Variants in PTPRK observed in about 807,000 individuals in gnomAD.
The protein encoded by PTPRK is receptor-type tyrosine-protein phosphatase kappa.
PTPRK carries 75 observed loss-of-function variants against 178.0 expected under a neutral mutation model. The observed-to-expected ratio is 0.42, with a 90% CI of 0.35 to 0.51. The LOEUF (loss-of-function observed/expected upper bound fraction) is 0.51. PTPRK is among the 20% of genes least tolerant of loss of function. The probability of loss-of-function intolerance (pLI) is 0.02; values close to 1 mark genes in which losing one functional copy is unlikely to be tolerated. For synonymous variants in PTPRK, 637 were observed against 620.6 expected, an observed-to-expected ratio of 1.03 and a Z score of -0.39; for missense variants, 1,441 against 1,797.8, an observed-to-expected ratio of 0.80 and a Z score of 3.59.
intron 2 of PTPRK, among the ~76,000 whole-genome samples, chr6:128,342,341 T>C (rs1831785732): frequency 6.6e-6 from 1 of 152,116 alleles, no homozygotes; most frequent in African/African-American, 2.4e-5. Context: ...AGAAATTAAA[T>C]AATAATTAGT....
chr6:128,108,256 G>A (rs1790060689), intron 7 of PTPRK, among the ~76,000 whole-genome samples: 1 of 151,942 alleles, frequency 6.6e-6, no homozygotes, highest in African/African-American at 2.4e-5. Context: ...AGCTAATACA[G>A]TCATTTTAGT....
At chr6:128,469,760 A>G (rs1035143164) in intron 1 of PTPRK, among the ~76,000 whole-genome samples, 1 of 152,164 alleles carries the variant, frequency 6.6e-6, no homozygotes, top group African/African-American at 2.4e-5. Context: ...TGGATTACCA[A>G]GGTGTACCCA....
chr6:128,072,508 T>A (rs1197326602), intron 11 of PTPRK, among the ~76,000 whole-genome samples: 1 of 152,018 alleles, frequency 6.6e-6, no homozygotes, highest in Non-Finnish European at 1.5e-5. Flanking sequence ...GTATTACATA[T>A]CACTAGCCCA....
At position 127,969,174 on chromosome 6, in the gene PTPRK, A is replaced by G. The variant is rs1168033564; in HGVS notation, c.*1053T>C. On this transcript the variant is annotated 3_prime_UTR_variant, in exon 30 of 30. Coordinates refer to ENST00000368226, the MANE Select transcript of PTPRK (RefSeq NM_002844.4). ...CCAGTGCTGGGCCACAGGCTGAAAA[A>G]CTCCATTCCTTTAAAATTTAAATGA... 6.6e-6 allele frequency: 1 copy of G among 151,744 alleles called. No individual in the cohort carries two copies. Among genetic ancestry groups the G allele is most frequent in the Non-Finnish European group, 1.5e-5 (1 of 67,918 alleles). The allele number at this position is 151,744 out of a possible 1,614,324, so 9.4% of individuals were successfully genotyped here. A position where few individuals can be genotyped will look rare whatever the true frequency, so the allele number is the denominator to read the frequency against.
chr6:128,098,001 A>AT (rs2115046125), intron 7 of PTPRK, among the ~76,000 whole-genome samples: 1 of 152,150 alleles, frequency 6.6e-6, no homozygotes, highest in East Asian at 1.9e-4. Context: ...TCTAAGGGGG[A>AT]TTTTCAATGC....
intron 2 of PTPRK, among the ~76,000 whole-genome samples, chr6:128,395,411 G>C (rs1840170682): frequency 6.6e-6 from 1 of 152,122 alleles, no homozygotes; most frequent in South Asian, 2.1e-4. Flanking sequence ...CGATTAAGCT[G>C]TTCATCAAAG....
chr6:128,301,178 T>C (rs978890434), intron 3 of PTPRK, among the ~76,000 whole-genome samples: 7 of 152,186 alleles, frequency 4.6e-5, no homozygotes, highest in African/African-American at 1.7e-4. Flanking sequence ...GATATCACTA[T>C]TTCTATTTTT....
chr6:128,237,176 T>C (rs1157768731), intron 5 of PTPRK, among the ~76,000 whole-genome samples: 1 of 152,222 alleles, frequency 6.6e-6, no homozygotes, highest in Non-Finnish European at 1.5e-5. Context: ...ATTGGCTGTT[T>C]TTCTAGTCTT....
At chr6:128,108,294 A>G (rs1790067489) in intron 7 of PTPRK, among the ~76,000 whole-genome samples, 3 of 152,226 alleles carry the variant, frequency 2.0e-5, no homozygotes, top group South Asian at 2.1e-4. Flanking sequence ...GACATTATCA[A>G]TAAAAATGCA....
intron 6 of PTPRK, 60 bp downstream of exon 6, chr6:128,218,862 A>T: frequency 7.3e-7 from 1 of 1,378,146 alleles, no homozygotes; most frequent in Non-Finnish European, 1.0e-6. Context: ...ATATCTACAG[A>T]GTTGCTTTTG....
intron 13 of PTPRK, among the ~76,000 whole-genome samples, chr6:128,052,719 T>C (rs1029410599): frequency 3.3e-5 from 5 of 152,212 alleles, no homozygotes; most frequent in Non-Finnish European, 7.3e-5. Flanking sequence ...TACCCTTTTA[T>C]AATTATTAAG....
chr6:128,509,443 A>T (rs1464989364), intron 1 of PTPRK, among the ~76,000 whole-genome samples: 1 of 152,174 alleles, frequency 6.6e-6, no homozygotes. Flanking sequence ...TGTATCACTT[A>T]AACATGCAAA....
intron 1 of PTPRK, among the ~76,000 whole-genome samples, chr6:128,409,844 C>G (rs924321820): frequency 7.2e-5 from 11 of 152,294 alleles, no homozygotes; most frequent in Non-Finnish European, 1.5e-4. Flanking sequence ...TGCCTTATGC[C>G]ATGATTATGA....
At chr6:128,505,632 G>C (rs1375131115) in intron 1 of PTPRK, among the ~76,000 whole-genome samples, 1 of 152,108 alleles carries the variant, frequency 6.6e-6, no homozygotes, top group East Asian at 1.9e-4. Context: ...TCTCCGGTAA[G>C]AAAGTTAACA....
intron 1 of PTPRK, among the ~76,000 whole-genome samples, chr6:128,450,489 T>C (rs559492168): frequency 3.9e-5 from 6 of 152,312 alleles, no homozygotes; most frequent in African/African-American, 1.4e-4. Context: ...TCGTACACTA[T>C]AACCTCCCCT....
rs140786447 is a variant in PTPRK at position 127,989,638 on chromosome 6, C to T, written c.3096+1131G>A. Among the ~76,000 whole-genome samples, 72 of 151,996 alleles carry T rather than the reference C, an allele frequency of 4.7e-4. 1 individual carries two copies. In the East Asian group the frequency reaches 8.5e-3, roughly 18 times the overall value. On this transcript the variant is annotated intron_variant, in intron 21 of 29. Coordinates refer to ENST00000368226, the MANE Select transcript of PTPRK (RefSeq NM_002844.4). ...TTATTGATTTAAAGAAGGTTTGTAGCGATTTAACTATGATCAGTAATGTAT... is the reference window on the plus strand; with the variant it reads ...TTATTGATTTAAAGAAGGTTTGTAGTGATTTAACTATGATCAGTAATGTAT...
chr6:128,119,897 T>C (rs892049937), intron 7 of PTPRK, among the ~76,000 whole-genome samples: 1 of 152,054 alleles, frequency 6.6e-6, no homozygotes, highest in South Asian at 2.1e-4. Flanking sequence ...AGGTGCTTTA[T>C]GTGTCATTTT....
At chr6:128,041,203 A>T (rs1207864048) in intron 13 of PTPRK, among the ~76,000 whole-genome samples, 1 of 152,126 alleles carries the variant, frequency 6.6e-6, no homozygotes, top group East Asian at 1.9e-4. Flanking sequence ...TTTTAAACAC[A>T]TAAAACAAAC....
chr6:128,497,861 C>T (rs1447151752), intron 1 of PTPRK, among the ~76,000 whole-genome samples: 4 of 151,350 alleles, frequency 2.6e-5, no homozygotes, highest in South Asian at 2.1e-4. Context: ...GAGATGACTA[C>T]GAATCACTTT....
Sources: allele counts gnomAD v4.1 joint callset (sites outside exome capture counted in the v4.1 genomes callset), GRCh38; gene constraint gnomAD v4.1.1; transcripts MANE v1.5; gene names NCBI Gene and HGNC (gene_info 2026-07-23, HGNC 2026-07-21).